The following ARHGAP15 variants were observed in gnomAD, a reference collection of about 807,000 sequenced individuals.
ARHGAP15 encodes the protein Rho GTPase activating protein 15.
A neutral mutation model predicts 63.7 loss-of-function variants in ARHGAP15; 51 were observed. The observed-to-expected ratio is 0.80, with a 90% CI of 0.64 to 1.01. The LOEUF is 1.01. ARHGAP15 is among the 50% of genes least tolerant of loss of function. The pLI, the probability that ARHGAP15 is intolerant of heterozygous loss-of-function variation, is 0.00. For missense variants in ARHGAP15, 560 were observed against 564.6 expected, an observed-to-expected ratio of 0.99 and a Z score of 0.08; for synonymous variants, 191 against 193.8, an observed-to-expected ratio of 0.99 and a Z score of 0.12.
intron 6 of ARHGAP15, among the ~76,000 whole-genome samples, chr2:143,362,897 C>T (rs1380008310): frequency 1.3e-5 from 2 of 152,200 alleles, no homozygotes; most frequent in African/African-American, 4.8e-5. Flanking sequence ...CATTATCATT[C>T]TCTGGACTAC....
intron 6 of ARHGAP15, among the ~76,000 whole-genome samples, chr2:143,326,197 A>G (rs766631266): frequency 6.6e-6 from 1 of 152,184 alleles, no homozygotes; most frequent in Non-Finnish European, 1.5e-5. Context: ...CTACATTTTT[A>G]TGGTACTTTA....
intron 13 of ARHGAP15, among the ~76,000 whole-genome samples, chr2:143,730,798 T>C (rs1685492056): frequency 6.7e-6 from 1 of 150,194 alleles, no homozygotes; most frequent in Non-Finnish European, 1.5e-5. Context: ...CAGATACATA[T>C]AGAAGGTTTT....
At position 143,346,250 on chromosome 2, in the gene ARHGAP15, TCACACACA is replaced by T. The variant is rs138964635; in HGVS notation, c.475-89333_475-89326del. ...CACACTCTCTCTCACACACACACAC[TCACACACA>T]CACACACACACACACACTCACAAAC... On this transcript the variant is annotated intron_variant, in intron 6 of 13. Coordinates refer to ENST00000295095, the MANE Select transcript of ARHGAP15 (RefSeq NM_018460.4). Among the ~76,000 whole-genome samples the T allele has an allele frequency of 9.2e-3, 1,274 of 138,718 alleles. 11 individuals carry two copies. Among genetic ancestry groups the T allele is most frequent in the Middle Eastern group, 0.034 (9 of 266 alleles). The allele number at this position is 138,718 out of a possible 152,430, so 91.0% of individuals were successfully genotyped here.
intron 12 of ARHGAP15, among the ~76,000 whole-genome samples, chr2:143,663,691 T>A (rs1325385921): frequency 2.0e-5 from 3 of 151,760 alleles, no homozygotes; most frequent in African/African-American, 4.8e-5. Context: ...CAGAGACACA[T>A]ATAGGCTCAA....
intron 10 of ARHGAP15, among the ~76,000 whole-genome samples, chr2:143,532,560 T>C (rs1694566994): frequency 1.3e-5 from 2 of 152,148 alleles, no homozygotes; most frequent in Admixed American, 1.3e-4. Flanking sequence ...GGAAAGTTAT[T>C]AGGATAGCAA....
chr2:143,132,927 C>G (rs1184239759), intron 1 of ARHGAP15, among the ~76,000 whole-genome samples: 1 of 152,140 alleles, frequency 6.6e-6, no homozygotes, highest in Non-Finnish European at 1.5e-5. Context: ...GACAACTCCT[C>G]ACAACATTTG....
chr2:143,512,328 A>C (rs1259480787), intron 9 of ARHGAP15, among the ~76,000 whole-genome samples: 1 of 152,214 alleles, frequency 6.6e-6, no homozygotes, highest in Non-Finnish European at 1.5e-5. Context: ...GCCTGAACCA[A>C]TTACTGTGGC....
At chr2:143,496,168 C>A (rs1574531280) in intron 9 of ARHGAP15, among the ~76,000 whole-genome samples, 1 of 152,028 alleles carries the variant, frequency 6.6e-6, no homozygotes, top group African/African-American at 2.4e-5. Context: ...TATTTAAAGG[C>A]TCTTGGGAGC....
At chr2:143,757,510 C>G (rs1878631) in intron 13 of ARHGAP15, among the ~76,000 whole-genome samples, 37 of 151,172 alleles carry the variant, frequency 2.4e-4, no homozygotes, top group Admixed American at 1.7e-3. Flanking sequence ...GACTCTGTCT[C>G]AAAAAGAAAA....
intron 4 of ARHGAP15, 45 bp downstream of exon 4, chr2:143,216,490 T>A (rs767038023): frequency 1.4e-6 from 2 of 1,393,254 alleles, no homozygotes; most frequent in South Asian, 2.4e-5. Flanking sequence ...ATGCTGGTTC[T>A]TCATATGCTA....
chr2:143,317,999 A>C (rs1683799483), intron 6 of ARHGAP15, among the ~76,000 whole-genome samples: 4 of 151,864 alleles, frequency 2.6e-5, no homozygotes, highest in African/African-American at 7.3e-5. Flanking sequence ...CTACCCATAA[A>C]ATTTTATCCT....
chr2:143,190,478 A>G (rs1227150539), intron 2 of ARHGAP15, among the ~76,000 whole-genome samples: 2 of 152,148 alleles, frequency 1.3e-5, no homozygotes, highest in East Asian at 3.9e-4. Context: ...ATGGGGACTA[A>G]AAGTCTTGTT....
At chr2:143,442,045 T>C (rs912314511) in intron 8 of ARHGAP15, among the ~76,000 whole-genome samples, 1 of 152,106 alleles carries the variant, frequency 6.6e-6, no homozygotes, top group African/African-American at 2.4e-5. Context: ...AGTTACACAA[T>C]AAAAATTAAA....
chr2:143,498,695 C>T (rs764782866), intron 9 of ARHGAP15, among the ~76,000 whole-genome samples: 10 of 151,992 alleles, frequency 6.6e-5, no homozygotes, highest in East Asian at 1.9e-4. Context: ...AATTTGGAAA[C>T]GATTTGATTG....
chr2:143,294,215 A>C (rs1175172566), intron 6 of ARHGAP15, among the ~76,000 whole-genome samples: 2 of 152,046 alleles, frequency 1.3e-5, no homozygotes, highest in Non-Finnish European at 2.9e-5. Context: ...CCTATTATGC[A>C]AGCGTAACCT....
intron 13 of ARHGAP15, among the ~76,000 whole-genome samples, chr2:143,750,301 C>T (rs72861310): frequency 3.9e-5 from 6 of 152,230 alleles, no homozygotes; most frequent in Non-Finnish European, 8.8e-5. Flanking sequence ...ATTAGTGGGG[C>T]ATGATGGCGC....
intron 6 of ARHGAP15, among the ~76,000 whole-genome samples, chr2:143,382,008 T>G (rs971527429): frequency 6.6e-6 from 1 of 152,112 alleles, no homozygotes; most frequent in Admixed American, 6.6e-5. Flanking sequence ...TCACTTCTCT[T>G]GATGCTTTTG....
At chr2:143,142,839 A>G (rs1689427065) in intron 1 of ARHGAP15, among the ~76,000 whole-genome samples, 1 of 152,122 alleles carries the variant, frequency 6.6e-6, no homozygotes, top group Non-Finnish European at 1.5e-5. Flanking sequence ...TTAATAGATT[A>G]GATTCTCTGT....
intron 9 of ARHGAP15, among the ~76,000 whole-genome samples, chr2:143,511,567 T>C (rs1693590106): frequency 7.6e-6 from 1 of 130,978 alleles, no homozygotes; most frequent in South Asian, 3.1e-4. Flanking sequence ...GAAGTGTTCT[T>C]TTTTGTTTGT....
Sources: gnomAD v4.1 joint callset for allele counts (sites outside exome capture counted in the v4.1 genomes callset) on GRCh38, gnomAD v4.1.1 for gene constraint, MANE v1.5 for transcripts, NCBI Gene and HGNC (gene_info 2026-07-23, HGNC 2026-07-21) for gene names.